FGF12: variants seen among roughly 807,000 people sequenced by gnomAD.
FGF12 encodes the protein fibroblast growth factor 12.
A neutral mutation model predicts 23.6 loss-of-function variants in FGF12; 14 were observed. The ratio of observed to expected loss-of-function variants is 0.59; its 90% CI spans 0.39 to 0.93. The LOEUF (loss-of-function observed/expected upper bound fraction) is 0.93. Among genes scored for constraint, FGF12 ranks in the 40% least tolerant of loss-of-function variants. The probability of loss-of-function intolerance (pLI) is 0.00; values close to 1 mark genes in which losing one functional copy is unlikely to be tolerated. For missense variants in FGF12, 175 were observed against 217.8 expected (o/e 0.80, Z 1.24); for synonymous variants, 62 against 77.3 (o/e 0.80, Z 1.04).
intron 4 of FGF12, among the ~76,000 whole-genome samples, chr3:192,188,128 ATAT>A (rs1207610584): frequency 6.6e-6 from 1 of 152,228 alleles, no homozygotes; most frequent in Admixed American, 6.5e-5. Flanking sequence ...TCAATTTATA[ATAT>A]TCTAATAATT....
intron 2 of FGF12, among the ~76,000 whole-genome samples, chr3:192,522,059 G>A (rs1002774041): frequency 2.6e-5 from 4 of 152,018 alleles, no homozygotes; most frequent in Admixed American, 2.0e-4. Flanking sequence ...TTAGCCGAGC[G>A]CGGTGGCGGG....
At chr3:192,343,042 A>T (rs1577371571) in intron 3 of FGF12, among the ~76,000 whole-genome samples, 1 of 152,050 alleles carries the variant, frequency 6.6e-6, no homozygotes, top group African/African-American at 2.4e-5. Context: ...GAGAAAAAAA[A>T]GCTCATTACA....
In FGF12 at chr3:192,514,730, T is replaced by C; in HGVS notation, c.14-154192A>G. ...AGACACTGCAGCATATGCACTCCTT[T>C]CTTCAGAGAAAGCTCAAGAATCTTC... On this transcript the variant is annotated intron_variant, in intron 2 of 5. Coordinates refer to ENST00000445105, the MANE Select transcript of FGF12 (RefSeq NM_004113.6). The surrounding 1 kb of genome is among the most constrained non-coding windows in gnomAD (Gnocchi z 4.9). 1 of 985,386 alleles carries C rather than the reference T, an allele frequency of 1.0e-6. No individual in the cohort carries two copies. Among genetic ancestry groups the C allele is most frequent in the South Asian group, 4.7e-5 (1 of 21,282 alleles). 61.0% of individuals were successfully genotyped at this position (985,386 alleles called of 1,614,324 possible).
At chr3:192,455,570 T>G (rs1004682352) in intron 2 of FGF12, among the ~76,000 whole-genome samples, 3 of 152,204 alleles carry the variant, frequency 2.0e-5, no homozygotes, top group Admixed American at 6.5e-5. Flanking sequence ...GTTTATGGGA[T>G]TAGATGCAAT....
chr3:192,714,604 C>T (rs1463948031), intron 2 of FGF12, among the ~76,000 whole-genome samples: 2 of 148,848 alleles, frequency 1.3e-5, no homozygotes, highest in East Asian at 2.0e-4. Flanking sequence ...CTGCAAGCTC[C>T]GCCTCCCGGG....
chr3:192,355,261 T>C (rs560800407), intron 3 of FGF12, among the ~76,000 whole-genome samples: 1 of 152,370 alleles, frequency 6.6e-6, no homozygotes, highest in East Asian at 1.9e-4. Flanking sequence ...GGAAATTAAG[T>C]ATTTAAATTA....
At chr3:192,406,920 T>A (rs1229102680) in intron 2 of FGF12, among the ~76,000 whole-genome samples, 1 of 152,138 alleles carries the variant, frequency 6.6e-6, no homozygotes, top group Non-Finnish European at 1.5e-5. Context: ...AGCCAACAGA[T>A]TACAGGGCAG....
chr3:192,379,793 A>T (rs546996924), intron 2 of FGF12, among the ~76,000 whole-genome samples: 2 of 152,362 alleles, frequency 1.3e-5, no homozygotes, highest in South Asian at 2.1e-4. Context: ...TCCAGGATTC[A>T]GGAGACTTAA....
chr3:192,378,691 C>T (rs1404791704), intron 2 of FGF12, among the ~76,000 whole-genome samples: 1 of 151,932 alleles, frequency 6.6e-6, no homozygotes, highest in Non-Finnish European at 1.5e-5. Context: ...TCTCCAAACT[C>T]CAAGAATCAA....
intron 2 of FGF12, among the ~76,000 whole-genome samples, chr3:192,636,748 T>A (rs1399446802): frequency 6.6e-6 from 1 of 152,218 alleles, no homozygotes; most frequent in Non-Finnish European, 1.5e-5. Context: ...TTCTCCCTGA[T>A]GACTCAGGCA....
intron 2 of FGF12, among the ~76,000 whole-genome samples, chr3:192,399,409 A>T (rs1271360584): frequency 6.6e-6 from 1 of 152,210 alleles, no homozygotes; most frequent in Non-Finnish European, 1.5e-5. Flanking sequence ...GATCTTGGGA[A>T]TGCCAGCCTC....
intron 4 of FGF12, among the ~76,000 whole-genome samples, chr3:192,287,213 T>C (rs544871408): frequency 6.6e-6 from 1 of 152,162 alleles, no homozygotes. Flanking sequence ...AACCATCCTT[T>C]ATTTACTAAT....
At chr3:192,650,683 G>T (rs1716183616) in intron 2 of FGF12, among the ~76,000 whole-genome samples, 1 of 152,108 alleles carries the variant, frequency 6.6e-6, no homozygotes. Context: ...GGCACACAAA[G>T]ATGTTCCATA....
intron 4 of FGF12, among the ~76,000 whole-genome samples, chr3:192,190,884 A>G (rs570794515): frequency 6.6e-6 from 1 of 152,352 alleles, no homozygotes; most frequent in South Asian, 2.1e-4. Context: ...GGTCTTTCAA[A>G]TTATAAAGTA....
At chr3:192,341,966 A>C (rs1410788674) in intron 3 of FGF12, among the ~76,000 whole-genome samples, 1 of 136,430 alleles carries the variant, frequency 7.3e-6, no homozygotes, top group Non-Finnish European at 1.6e-5. Flanking sequence ...TCTTACCATA[A>C]ATATTTGTTA....
At chr3:192,237,017 A>G (rs1174874880) in intron 4 of FGF12, among the ~76,000 whole-genome samples, 2 of 152,172 alleles carry the variant, frequency 1.3e-5, no homozygotes, top group African/African-American at 2.4e-5. Flanking sequence ...ATCTCTTATA[A>G]GGCAAGTCTG....
intron 2 of FGF12, among the ~76,000 whole-genome samples, chr3:192,503,480 C>T (rs1724192606): frequency 1.3e-5 from 2 of 151,984 alleles, no homozygotes; most frequent in Admixed American, 6.6e-5. Flanking sequence ...CAAATTACTG[C>T]CCAATACCAT....
At chr3:192,478,328 C>T (rs1181728505) in intron 2 of FGF12, among the ~76,000 whole-genome samples, 1 of 152,076 alleles carries the variant, frequency 6.6e-6, no homozygotes, top group African/African-American at 2.4e-5. Context: ...AGTCTTACAG[C>T]TAATAAATGA....
intron 4 of FGF12, among the ~76,000 whole-genome samples, chr3:192,327,431 G>A (rs1487606330): frequency 2.6e-5 from 4 of 151,560 alleles, no homozygotes; most frequent in Admixed American, 6.6e-5. Flanking sequence ...AACTGTGTTC[G>A]CACAATTTGA....
Sources: allele counts gnomAD v4.1 joint callset (sites outside exome capture counted in the v4.1 genomes callset), GRCh38; gene constraint gnomAD v4.1.1; non-coding constraint Gnocchi (gnomAD v3.1); transcripts MANE v1.5; gene names NCBI Gene and HGNC (gene_info 2026-07-23, HGNC 2026-07-21).